The following MRTFA variants were observed in gnomAD, a reference collection of about 807,000 sequenced individuals.
MRTFA encodes the protein myocardin related transcription factor A, also known as myocardin-related transcription factor A.
MRTFA carries 20 observed loss-of-function variants against 83.5 expected under a neutral mutation model. The ratio of observed to expected loss-of-function variants is 0.24; its 90% CI spans 0.17 to 0.35. MRTFA has a LOEUF of 0.35. Ranked by LOEUF, MRTFA falls within the 10% of genes least tolerant of loss-of-function variation. The pLI, the probability that MRTFA is intolerant of heterozygous loss-of-function variation, is 1.00. For missense variants in MRTFA, 1,200 were observed against 1,224.7 expected, an observed-to-expected ratio of 0.98 and a Z score of 0.30; for synonymous variants, 659 against 541.2, an observed-to-expected ratio of 1.22 and a Z score of -3.02.
At chr22:40,519,310 AC>A (rs2054819258) in intron 3 of MRTFA, among the ~76,000 whole-genome samples, 1 of 152,138 alleles carries the variant, frequency 6.6e-6, no homozygotes, top group African/African-American at 2.4e-5. Context: ...ACTCAGGGCC[AC>A]CTATAGAGAT....
Position 40,518,603 on chromosome 22 carries a change from C to A in MRTFA, c.241+33503G>T, listed in dbSNP as rs1004614711. Among the ~76,000 whole-genome samples the A allele has an allele frequency of 1.1e-4, 17 of 151,758 alleles. 2 individuals carry two copies. Among genetic ancestry groups the A allele is most frequent in the Admixed American group, 9.8e-4 (15 of 15,254 alleles). ...AGTCAGAAGATCGAGATCATCCTGG[C>A]TAACAAGGTGAAACCCCGTCTCTAC... is the stretch of plus-strand genomic sequence containing the variant. On this transcript the variant is annotated intron_variant, in intron 3 of 14. Transcript: ENST00000355630.
chr22:40,630,968 G>A (rs1184078104), intron 1 of MRTFA, among the ~76,000 whole-genome samples: 1 of 152,184 alleles, frequency 6.6e-6, no homozygotes, highest in Non-Finnish European at 1.5e-5. Context: ...CTCTTGTGAA[G>A]CACATGCTCT....
chr22:40,485,987 G>T (rs1448079638), intron 3 of MRTFA, among the ~76,000 whole-genome samples: 1 of 152,170 alleles, frequency 6.6e-6, no homozygotes, highest in Non-Finnish European at 1.5e-5. Context: ...AACCTGGCAG[G>T]CCTTCGAAGG....
chr22:40,446,859 C>T (rs1318508796), intron 4 of MRTFA, among the ~76,000 whole-genome samples: 1 of 152,176 alleles, frequency 6.6e-6, no homozygotes, highest in Non-Finnish European at 1.5e-5. Flanking sequence ...ATCTGCGAGC[C>T]TACATGTGTC....
chr22:40,533,421 G>A (rs967676827), intron 3 of MRTFA, among the ~76,000 whole-genome samples: 1 of 152,108 alleles, frequency 6.6e-6, no homozygotes, highest in African/African-American at 2.4e-5. Context: ...ACTAGAATTT[G>A]CAATGAGAGA....
At chr22:40,426,405 C>G (rs2052955079) in intron 7 of MRTFA, among the ~76,000 whole-genome samples, 1 of 152,170 alleles carries the variant, frequency 6.6e-6, no homozygotes. Context: ...CTTAAGCCAG[C>G]ACCTGCCTCT....
rs369827920 is a variant in MRTFA at position 40,419,243 on chromosome 22, T to C, written c.1495A>G (p.Ile499Val). Residue 499 changes from isoleucine to valine, a missense_variant, in exon 12 of 15, where the codon ATC becomes GTC. By Grantham distance (29) the Ile-to-Val change is conservative (BLOSUM62 3). Coordinates refer to ENST00000355630, the MANE Select transcript of MRTFA (RefSeq NM_020831.6). Reference sequence around the variant, plus strand: ...ACCACCTCGCCAGCCTTGTGCAGGATAGAGGTGGCGGCAGGGGCCTTGGGG... The same window carrying C: ...ACCACCTCGCCAGCCTTGTGCAGGACAGAGGTGGCGGCAGGGGCCTTGGGG... 5 of 1,611,252 alleles carry C rather than the reference T, an allele frequency of 3.1e-6. No individual in the cohort carries two copies. In the East Asian group the frequency reaches 6.7e-5, roughly 22 times the overall value.
At chr22:40,602,542 C>T (rs2056272339) in intron 1 of MRTFA, among the ~76,000 whole-genome samples, 1 of 151,958 alleles carries the variant, frequency 6.6e-6, no homozygotes, top group South Asian at 2.1e-4. Flanking sequence ...GTCTTGCTCT[C>T]CTATGTGGTT....
chr22:40,618,371 T>A (rs9611378), intron 1 of MRTFA, among the ~76,000 whole-genome samples: 1 of 151,250 alleles, frequency 6.6e-6, no homozygotes, highest in Non-Finnish European at 1.5e-5. Context: ...ATTACAGGCA[T>A]GAGCCACCAG....
chr22:40,502,783 G>A (rs765804276), intron 3 of MRTFA, among the ~76,000 whole-genome samples: 15 of 152,036 alleles, frequency 9.9e-5, no homozygotes, highest in African/African-American at 2.2e-4. Flanking sequence ...CCGGCGCGGC[G>A]GCAAAGACTG....
At chr22:40,430,982 A>C (rs2053058200) in intron 6 of MRTFA, among the ~76,000 whole-genome samples, 1 of 152,192 alleles carries the variant, frequency 6.6e-6, no homozygotes, top group South Asian at 2.1e-4. Context: ...CAGACACTCA[A>C]GTGAATGCCA....
At chr22:40,607,549 C>G (rs28565074) in intron 1 of MRTFA, among the ~76,000 whole-genome samples, 1,624 of 151,630 alleles carry the variant, frequency 0.011, 36 homozygotes, top group Middle Eastern at 0.079. Context: ...AGCTACATAT[C>G]AAAAATCAGA....
intron 3 of MRTFA, among the ~76,000 whole-genome samples, chr22:40,548,796 G>A (rs1347230285): frequency 1.3e-5 from 2 of 151,930 alleles, no homozygotes; most frequent in African/African-American, 4.8e-5. Flanking sequence ...CCTGGGAGGC[G>A]GAGGTTGCAG....
rs1156390893 is a variant in MRTFA at position 40,419,170 on chromosome 22, G to A, written c.1568C>T (p.Ala523Val). 1 of 1,584,500 alleles carries A rather than the reference G, an allele frequency of 6.3e-7. No individual in the cohort carries two copies. ...CACCTCAGCTGGAGCCAGGCCTGCT[G>A]CCACCAGGGCTGGCCCCGTGCTCAG... The change falls in exon 12 of 15, where the codon GCA (alanine) becomes GTA (valine). Residue 523 changes from alanine (A) to valine (V), a missense_variant. By Grantham distance (64) the Ala-to-Val change is moderately conservative (BLOSUM62 0). Coordinates refer to ENST00000355630, the MANE Select transcript of MRTFA (RefSeq NM_020831.6).
At chr22:40,423,194 A>G (rs1351151325) in intron 9 of MRTFA, among the ~76,000 whole-genome samples, 1 of 152,212 alleles carries the variant, frequency 6.6e-6, no homozygotes, top group Non-Finnish European at 1.5e-5. Context: ...TGGCCGCGTC[A>G]CTTCACTTCT....
intron 1 of MRTFA, among the ~76,000 whole-genome samples, chr22:40,607,305 C>G (rs1421178373): frequency 1.3e-5 from 2 of 152,044 alleles, no homozygotes; most frequent in African/African-American, 4.8e-5. Context: ...GAAATCGAGA[C>G]CATCCTGGCT....
intron 2 of MRTFA, among the ~76,000 whole-genome samples, chr22:40,574,390 ATACAG>A (rs2055839031): frequency 6.6e-6 from 1 of 152,080 alleles, no homozygotes; most frequent in Non-Finnish European, 1.5e-5. Flanking sequence ...TCCCCAAACA[ATACAG>A]TATAACAACT....
intron 1 of MRTFA, among the ~76,000 whole-genome samples, chr22:40,605,345 T>C (rs1182509319): frequency 1.3e-5 from 2 of 152,214 alleles, no homozygotes; most frequent in African/African-American, 4.8e-5. Context: ...GGGACTTTTG[T>C]GGGCAGAAAG....
chr22:40,411,954 T>C, intron 14 of MRTFA, 47 bp from the exon 15 acceptor site: 2 of 1,406,446 alleles, frequency 1.4e-6, no homozygotes, highest in Non-Finnish European at 1.9e-6. Flanking sequence ...GCCAAGCCTG[T>C]ATATCTACAT....
Sources: gnomAD v4.1 joint callset for allele counts (sites outside exome capture counted in the v4.1 genomes callset) on GRCh38, gnomAD v4.1.1 for gene constraint, MANE v1.5 for transcripts, NCBI Gene and HGNC (gene_info 2026-07-23, HGNC 2026-07-21) for gene names.